The following INTS6 variants were observed in gnomAD, a reference collection of about 807,000 sequenced individuals.
INTS6 encodes the protein integrator complex subunit 6, also known as DEAD box protein.
In INTS6, 16 loss-of-function variants were observed where a neutral mutation model predicts 104.9. The observed-to-expected ratio is 0.15, with a 90% CI of 0.10 to 0.23. The LOEUF (loss-of-function observed/expected upper bound fraction) is 0.23, where lower values mean the gene tolerates loss of function less well. Among genes scored for constraint, INTS6 ranks in the 10% least tolerant of loss-of-function variants. INTS6 has a pLI of 1.00. For missense variants in INTS6, 584 were observed against 1,062.8 expected (o/e 0.55, Z 6.26); for synonymous variants, 324 against 358.7 (o/e 0.90, Z 1.09).
intron 3 of INTS6, chr13:51,447,511 TC>T (rs1249661576): frequency 6.6e-6 from 1 of 152,016 alleles, no homozygotes; most frequent in Non-Finnish European, 1.5e-5. Context: ...TAGAAAATCC[TC>T]AAAAAATTAA....
At chr13:51,355,118 C>G in intron 3 of INTS6, 3 of 1,540,488 alleles carry the variant, frequency 1.9e-6, no homozygotes, top group Non-Finnish European at 2.6e-6. Context: ...TTGATCCACT[C>G]AAAGCTAACT....
At chr13:51,356,470 T>C (rs1955483474) in intron 3 of INTS6, among the ~76,000 whole-genome samples, 1 of 152,200 alleles carries the variant, frequency 6.6e-6, no homozygotes, top group Non-Finnish European at 1.5e-5. Flanking sequence ...GGCATCCCTG[T>C]TGTTGCTGGT....
chr13:51,383,851 T>A, intron 7 of INTS6, 110 bp from the exon 8 acceptor site: 1 of 837,496 alleles, frequency 1.2e-6, no homozygotes, highest in Non-Finnish European at 1.8e-6. Context: ...AGTAAGAGTT[T>A]GATTTACTGC....
intron 13 of INTS6, 45 bp downstream of exon 13, chr13:51,376,003 A>G: frequency 1.3e-6 from 2 of 1,527,994 alleles, no homozygotes; most frequent in Non-Finnish European, 1.8e-6. Flanking sequence ...TTCAGACTAT[A>G]AAGAAAAAAA....
chr13:51,450,589 A>G, intron 3 of INTS6: 1 of 985,726 alleles, frequency 1.0e-6, no homozygotes, highest in South Asian at 4.7e-5. Context: ...GTTATACAAC[A>G]TGGTCACATT....
intron 4 of INTS6, among the ~76,000 whole-genome samples, chr13:51,408,005 A>G (rs1956606205): frequency 6.7e-6 from 1 of 149,124 alleles, no homozygotes; most frequent in Non-Finnish European, 1.5e-5. Context: ...CAACAGAGTG[A>G]GACTCGGTCT....
chr13:51,449,937 T>C (rs1204193258), intron 3 of INTS6: 5 of 985,180 alleles, frequency 5.1e-6, no homozygotes, highest in African/African-American at 1.7e-5. Context: ...TTAAATGTTA[T>C]AGAACTAAAT....
At chr13:51,337,065 C>A in the INTS6 span, among the ~76,000 whole-genome samples, 1 of 152,248 alleles carries the variant, frequency 6.6e-6, no homozygotes, top group Admixed American at 6.5e-5. Flanking sequence ...ATGTGCTGGG[C>A]TACCTTGCAT....
chr13:51,344,213 ACT>A, the INTS6 span: 4 of 1,496,336 alleles, frequency 2.7e-6, no homozygotes, highest in Non-Finnish European at 3.7e-6. Flanking sequence ...CCTTACTCAC[ACT>A]CACCATTGTC....
intron 3 of INTS6, among the ~76,000 whole-genome samples, chr13:51,355,733 T>C (rs1309657507): frequency 6.6e-6 from 1 of 152,148 alleles, no homozygotes; most frequent in African/African-American, 2.4e-5. Context: ...TTGCTTATGG[T>C]ATTATAGGAA....
In INTS6 at chr13:51,387,479, G is replaced by A; in HGVS notation, c.801C>T (p.Leu267=). ...TTTTAGGATTTGGTCTGACATATATGAGTTTGTGACAGCTATGCCAAGGCT... is the reference window on the plus strand; with the variant it reads ...TTTTAGGATTTGGTCTGACATATATAAGTTTGTGACAGCTATGCCAAGGCT... ...GSQPWHSCHK[L]IYVRPNPKTG... The change falls in exon 7 of 18, where the codon CTC becomes CTT. Residue 267 remains leucine (L), a synonymous_variant. Transcript: ENST00000311234. The A allele has an allele frequency of 6.2e-7, 1 of 1,613,876 alleles. No individual in the cohort carries two copies. Among genetic ancestry groups the A allele is most frequent in the Non-Finnish European group, 8.5e-7 (1 of 1,179,866 alleles).
At chr13:51,396,328 T>C (rs1458920337) in intron 4 of INTS6, among the ~76,000 whole-genome samples, 4 of 152,222 alleles carry the variant, frequency 2.6e-5, no homozygotes, top group Non-Finnish European at 5.9e-5. Context: ...TTACCACATC[T>C]GAGTAAATGT....
chr13:51,408,764 T>A (rs1956625358), intron 4 of INTS6, among the ~76,000 whole-genome samples: 1 of 152,208 alleles, frequency 6.6e-6, no homozygotes. Flanking sequence ...GACTGATAAT[T>A]CATCATTTAC....
intron 7 of INTS6, 97 bp from the exon 8 acceptor site, chr13:51,383,838 G>T: frequency 9.8e-7 from 1 of 1,017,480 alleles, no homozygotes; most frequent in Non-Finnish European, 1.4e-6. Context: ...CCTCCGTCTT[G>T]CTAGTAAGAG....
the INTS6 span, chr13:51,341,434 C>A: frequency 8.0e-7 from 1 of 1,253,038 alleles, no homozygotes; most frequent in Non-Finnish European, 1.1e-6. Context: ...CACACTCACA[C>A]TCACTCTCTC....
rs766915999 is a variant in INTS6 at position 51,451,960 on chromosome 13, G to A, written c.189+18C>T. Reference sequence around the variant, plus strand: ...CAGGGAAGGGAAGGGAGGAAAGGGGGAGGGCGAGGGCTGTTACCTTGATAG... The same window carrying A: ...CAGGGAAGGGAAGGGAGGAAAGGGGAAGGGCGAGGGCTGTTACCTTGATAG... On this transcript the variant is annotated intron_variant, in intron 2 of 17. Transcript: ENST00000311234. 12 of 1,589,268 alleles carry A rather than the reference G, an allele frequency of 7.6e-6. No homozygotes were observed. In the African/African-American group the frequency reaches 1.1e-4, roughly 14 times the overall value.
At chr13:51,440,474 TTTA>T (rs1387322489) in intron 3 of INTS6, 1 of 152,144 alleles carries the variant, frequency 6.6e-6, no homozygotes, top group Non-Finnish European at 1.5e-5. Context: ...AAGTGTACAG[TTTA>T]TAAAGTCTAC....
chr13:51,427,935 C>A (rs906603010), intron 4 of INTS6, among the ~76,000 whole-genome samples: 2 of 152,174 alleles, frequency 1.3e-5, no homozygotes, highest in African/African-American at 4.8e-5. Context: ...CAAAATCCTT[C>A]CCAAGGAAAG....
chr13:51,412,060 A>G (rs1956699210), intron 4 of INTS6, among the ~76,000 whole-genome samples: 1 of 152,200 alleles, frequency 6.6e-6, no homozygotes, highest in Non-Finnish European at 1.5e-5. Context: ...TATTATATAC[A>G]GTGTATAATT....
Sources: gnomAD v4.1 joint callset for allele counts (sites outside exome capture counted in the v4.1 genomes callset) on GRCh38, gnomAD v4.1.1 for gene constraint, MANE v1.5 for transcripts, NCBI Gene and HGNC (gene_info 2026-07-23, HGNC 2026-07-21) for gene names.